GPC5: variants seen among roughly 807,000 people sequenced by gnomAD.
GPC5 encodes the protein glypican-5.
In GPC5, 47 loss-of-function variants were observed where a neutral mutation model predicts 53.9. The ratio of observed to expected loss-of-function variants is 0.87; its 90% confidence interval spans 0.69 to 1.11. The LOEUF (loss-of-function observed/expected upper bound fraction) is 1.11, where lower values mean the gene tolerates loss of function less well. Ranked by LOEUF, GPC5 falls within the 50% of genes most tolerant of loss-of-function variation. GPC5 has a pLI of 0.00. For synonymous variants in GPC5, 286 were observed against 263.3 expected (o/e 1.09, Z -0.84); for missense variants, 748 against 713.1 (o/e 1.05, Z -0.56).
In GPC5 at chr13:91,600,305, CAGAG is replaced by C. The variant is rs67108031; in HGVS notation, c.326-92841_326-92838del. On this transcript the variant is annotated intron_variant, in intron 2 of 7. Coordinates refer to ENST00000377067, the MANE Select transcript of GPC5 (RefSeq NM_004466.6). ...TTTATCATGGTAATCGTTCATTTTACAGAGAGAGAGAGAGAGAGAGAGAGAGAGA... is the reference window on the plus strand; with the variant it reads ...TTTATCATGGTAATCGTTCATTTTACAGAGAGAGAGAGAGAGAGAGAGAGA... 6.7e-4 allele frequency among the ~76,000 whole-genome samples: 98 copies of C among 146,652 alleles called. 1 individual carries two copies. Among genetic ancestry groups the C allele is most frequent in the African/African-American group, 2.5e-3 (96 of 38,950 alleles).
chr13:91,926,958 C>G (rs890730704), intron 6 of GPC5, among the ~76,000 whole-genome samples: 26 of 152,092 alleles, frequency 1.7e-4, no homozygotes, highest in African/African-American at 6.3e-4. Flanking sequence ...GATCTGAAAA[C>G]TTTATGTTAG....
At chr13:91,421,369 G>A (rs1302496287) in intron 1 of GPC5, among the ~76,000 whole-genome samples, 1 of 152,102 alleles carries the variant, frequency 6.6e-6, no homozygotes, top group Non-Finnish European at 1.5e-5. Context: ...TTATAAAAGA[G>A]CACATTTTTA....
At chr13:91,923,058 G>C (rs2039732091) in intron 6 of GPC5, among the ~76,000 whole-genome samples, 1 of 152,292 alleles carries the variant, frequency 6.6e-6, no homozygotes, top group South Asian at 2.1e-4. Context: ...ACCAGGTGCA[G>C]TCCTCTCTGG....
intron 7 of GPC5, among the ~76,000 whole-genome samples, chr13:92,785,524 T>G (rs1361604088): frequency 6.6e-6 from 1 of 152,162 alleles, no homozygotes; most frequent in Admixed American, 6.5e-5. Context: ...GCAGCATCAA[T>G]GCAATTGAGA....
intron 6 of GPC5, among the ~76,000 whole-genome samples, chr13:91,909,901 A>G (rs2039593318): frequency 6.6e-6 from 1 of 152,068 alleles, no homozygotes; most frequent in African/African-American, 2.4e-5. Context: ...GAGGGAAGTC[A>G]TCCTACCTTT....
chr13:91,543,181 C>T (rs921113551), intron 2 of GPC5, among the ~76,000 whole-genome samples: 3 of 151,766 alleles, frequency 2.0e-5, no homozygotes, highest in African/African-American at 7.3e-5. Context: ...TTAATAGAGA[C>T]CTGGATTCTC....
At chr13:91,547,150 T>G (rs2030342792) in intron 2 of GPC5, among the ~76,000 whole-genome samples, 1 of 152,016 alleles carries the variant, frequency 6.6e-6, no homozygotes, top group Non-Finnish European at 1.5e-5. Context: ...AGATGCTGAA[T>G]TGAGTACTGG....
chr13:92,053,854 AC>A (rs2041051203), intron 6 of GPC5, among the ~76,000 whole-genome samples: 2 of 151,768 alleles, frequency 1.3e-5, no homozygotes, highest in South Asian at 2.1e-4. Flanking sequence ...ACATGGTGAA[AC>A]CCCGTCTCTA....
intron 2 of GPC5, among the ~76,000 whole-genome samples, chr13:91,633,499 A>G (rs1388136223): frequency 6.6e-6 from 1 of 152,148 alleles, no homozygotes; most frequent in African/African-American, 2.4e-5. Context: ...TCACTCTGCC[A>G]ATTCTTAAAT....
intron 7 of GPC5, among the ~76,000 whole-genome samples, chr13:92,852,567 TTTTTTTA>T (rs1170479149): frequency 6.6e-6 from 1 of 152,130 alleles, no homozygotes; most frequent in Non-Finnish European, 1.5e-5. Flanking sequence ...AGGTGGAAGC[TTTTTTTA>T]TTTTTTATTT....
chr13:91,614,716 T>A (rs2033648827), intron 2 of GPC5, among the ~76,000 whole-genome samples: 1 of 151,918 alleles, frequency 6.6e-6, no homozygotes, highest in African/African-American at 2.4e-5. Context: ...GACAGTGGAG[T>A]TATAAAACTT....
intron 6 of GPC5, among the ~76,000 whole-genome samples, chr13:91,970,528 C>A (rs989275467): frequency 1.3e-5 from 2 of 151,818 alleles, no homozygotes; most frequent in East Asian, 3.8e-4. Flanking sequence ...ACAGTATATA[C>A]ATCTATAAAT....
At chr13:91,801,668 A>G (rs1259575210) in intron 5 of GPC5, among the ~76,000 whole-genome samples, 2 of 152,196 alleles carry the variant, frequency 1.3e-5, no homozygotes, top group Non-Finnish European at 2.9e-5. Context: ...AAATATTTCT[A>G]ATAACCAACA....
intron 7 of GPC5, among the ~76,000 whole-genome samples, chr13:92,285,863 T>C (rs2042950539): frequency 6.6e-6 from 1 of 151,912 alleles, no homozygotes; most frequent in African/African-American, 2.4e-5. Flanking sequence ...CTAAAAGCAA[T>C]GGCAACAAAA....
Position 92,634,192 on chromosome 13 carries a change from T to C in GPC5, c.1562-232090T>C, listed in dbSNP as rs374642097. On this transcript the variant is annotated intron_variant, in intron 7 of 7. Transcript: ENST00000377067. ...TTTTTGGCATAAATTTTCAGGTTTT[T>C]AATTGGAATTTAATTACAATGTCAT... 1.4e-4 allele frequency among the ~76,000 whole-genome samples: 21 copies of C among 152,248 alleles called. 1 individual carries two copies. The East Asian group carries it at 3.9e-3, about 28-fold the overall frequency.
intron 7 of GPC5, among the ~76,000 whole-genome samples, chr13:92,351,245 T>C (rs2043474860): frequency 6.6e-6 from 1 of 151,932 alleles, no homozygotes; most frequent in African/African-American, 2.4e-5. Flanking sequence ...AATGAAAAGA[T>C]ACTAACTACA....
chr13:92,500,385 A>G (rs1212806070), intron 7 of GPC5, among the ~76,000 whole-genome samples: 1 of 152,200 alleles, frequency 6.6e-6, no homozygotes, highest in Non-Finnish European at 1.5e-5. Flanking sequence ...AGTAAACACC[A>G]TTAGAAGGTA....
chr13:92,630,085 A>G (rs936604087), intron 7 of GPC5, among the ~76,000 whole-genome samples: 5 of 152,310 alleles, frequency 3.3e-5, no homozygotes, highest in African/African-American at 1.2e-4. Context: ...TAAAGTAGAA[A>G]ACAGAATGTA....
intron 4 of GPC5, among the ~76,000 whole-genome samples, chr13:91,752,436 A>G (rs1369246003): frequency 5.3e-5 from 8 of 152,164 alleles, no homozygotes; most frequent in African/African-American, 1.9e-4. Context: ...GGATTTCAAC[A>G]TATGAATTTT....
Sources: allele counts gnomAD v4.1 joint callset (sites outside exome capture counted in the v4.1 genomes callset), GRCh38; gene constraint gnomAD v4.1.1; transcripts MANE v1.5; gene names NCBI Gene and HGNC (gene_info 2026-07-23, HGNC 2026-07-21).